CEACAM6: variants seen among roughly 807,000 people sequenced by gnomAD.
CEACAM6 encodes CEA cell adhesion molecule 6, also known as cell adhesion molecule CEACAM6.
Under a neutral mutation model 32.4 loss-of-function variants are expected in CEACAM6, and 21 were observed. That is an observed-to-expected ratio of 0.65 (90% CI 0.46 to 0.93). The LOEUF (loss-of-function observed/expected upper bound fraction) is 0.93. Among genes scored for constraint, CEACAM6 ranks in the 40% least tolerant of loss-of-function variants. The probability of loss-of-function intolerance (pLI) is 0.00; values close to 1 mark genes in which losing one functional copy is unlikely to be tolerated. For missense variants in CEACAM6, 406 were observed against 432.2 expected, an observed-to-expected ratio of 0.94 and a Z score of 0.54; for synonymous variants, 184 against 174.4, an observed-to-expected ratio of 1.06 and a Z score of -0.43.
In CEACAM6 at chr19:41,768,141, G is replaced by A. The variant is rs536359481; in HGVS notation, c.*40+1842G>A. ...GGGTGTTTCTCGCAGAGGGGGATTT[G>A]GCAGGGTCATAGGACAATAGTGGAG... On this transcript the variant is annotated intron_variant, in intron 5 of 5. Transcript: ENST00000199764. 4.4e-3 allele frequency among the ~76,000 whole-genome samples: 664 copies of A among 151,768 alleles called. 7 individuals carry two copies. The highest frequency in any genetic ancestry group is 0.015 in the African/African-American group (633 of 41,332).
chr19:41,769,820 AATT>A (rs1332871565), intron 5 of CEACAM6, among the ~76,000 whole-genome samples: 14 of 147,474 alleles, frequency 9.5e-5, no homozygotes, highest in East Asian at 3.9e-4. Flanking sequence ...ATAAATTAAT[AATT>A]ATTATTTAAC....
At chr19:41,764,669 C>T (rs1162478477) in intron 4 of CEACAM6, among the ~76,000 whole-genome samples, 1 of 152,126 alleles carries the variant, frequency 6.6e-6, no homozygotes, top group Non-Finnish European at 1.5e-5. Flanking sequence ...TTTTGTTGAT[C>T]TGTTTTGAAG....
chr19:41,768,153 G>A (rs988690072), intron 5 of CEACAM6, among the ~76,000 whole-genome samples: 2 of 151,962 alleles, frequency 1.3e-5, no homozygotes, highest in Non-Finnish European at 2.9e-5. Context: ...CAGGGTCATA[G>A]GACAATAGTG....
chr19:41,762,368 C>G, intron 4 of CEACAM6, 145 bp downstream of exon 4: 1 of 880,238 alleles, frequency 1.1e-6, no homozygotes, highest in South Asian at 1.8e-5. Context: ...TCCCAATTCA[C>G]CTCTGCAGAC....
intron 2 of CEACAM6, among the ~76,000 whole-genome samples, chr19:41,759,203 C>A (rs942791302): frequency 1.3e-5 from 2 of 152,212 alleles, no homozygotes; most frequent in African/African-American, 4.8e-5. Flanking sequence ...CTGCCCATTC[C>A]ACATACACTA....
chr19:41,757,106 G>A (rs57827663), intron 2 of CEACAM6, 147 bp downstream of exon 2: 385,539 of 1,359,790 alleles, frequency 0.28, 56,462 homozygotes, highest in Middle Eastern at 0.37. Context: ...ACACACGGGG[G>A]AGACAAACTT....
Position 41,771,640 on chromosome 19 carries a change from C to G in CEACAM6, c.*879C>G, listed in dbSNP as rs1008247951. On this transcript the variant is annotated 3_prime_UTR_variant, in exon 6 of 6. Transcript: ENST00000199764. The stretch of plus-strand genomic sequence containing the variant: ...TAATAGTCATACTAGTAGTCATACT[C>G]CCTGGTGTAGTGTATTCTCTAAAAG... 2 of 152,172 alleles carry G rather than the reference C, an allele frequency of 1.3e-5. No homozygotes were observed. The highest frequency in any genetic ancestry group is 2.9e-5 in the Non-Finnish European group (2 of 68,034). The allele number at this position is 152,172 out of a possible 1,614,324, so 9.4% of individuals were successfully genotyped here.
rs564619615 is a variant in CEACAM6, at chr19:41,769,844, A to G, written c.*41-958A>G. Among the ~76,000 whole-genome samples the G allele has an allele frequency of 4.0e-5, 6 of 148,196 alleles. No individual in the cohort carries two copies. In the East Asian group the frequency reaches 7.8e-4, roughly 19 times the overall value. Reference sequence around the variant, plus strand: ...TAATTATTATTTAACGACTAATTGTAATTGTTAATTAATATTAATATTATA... The same window carrying G: ...TAATTATTATTTAACGACTAATTGTGATTGTTAATTAATATTAATATTATA... On this transcript the variant is annotated intron_variant, in intron 5 of 5. Coordinates refer to ENST00000199764, the MANE Select transcript of CEACAM6 (RefSeq NM_002483.7).
In CEACAM6 at chr19:41,756,828, G is replaced by A. The variant is rs782580230; in HGVS notation, c.293G>A (p.Arg98Gln). The change falls in exon 2 of 6, where the codon CGA becomes CAA. Residue 98 changes from arginine to glutamine, a missense_variant. Coordinates refer to ENST00000199764, the MANE Select transcript of CEACAM6 (RefSeq NM_002483.7). ...QATPGPAYSGRETIYPNASLL... is the reference protein window; with the variant it reads ...QATPGPAYSGQETIYPNASLL... ...ACCCCAGGGCCCGCATACAGTGGTC[G>A]AGAGACAATATACCCCAATGCATCC... 44 of 1,613,980 alleles carry A rather than the reference G, an allele frequency of 2.7e-5. 1 individual carries two copies. In the East Asian group the frequency reaches 3.3e-4, roughly 12 times the overall value.
intron 4 of CEACAM6, among the ~76,000 whole-genome samples, chr19:41,763,059 C>CA (rs1243264271): frequency 6.6e-6 from 1 of 152,050 alleles, no homozygotes; most frequent in Non-Finnish European, 1.5e-5. Context: ...GGGGCAGTGA[C>CA]AAAAAGTGTG....
rs782108425 is a variant in CEACAM6 at position 41,756,804 on chromosome 19, C to A, written c.269C>A (p.Thr90Asn). 138 of 1,613,984 alleles carry A rather than the reference C, an allele frequency of 8.6e-5. No homozygotes were observed. The highest frequency in any genetic ancestry group is 1.2e-4 in the Non-Finnish European group (136 of 1,180,022). ...VGYVIGTQQA[T>N]PGPAYSGRET... is the part of the protein sequence containing the mutation. The stretch of plus-strand genomic sequence containing the variant: ...TATGTAATAGGAACTCAACAAGCTA[C>A]CCCAGGGCCCGCATACAGTGGTCGA... Residue 90 changes from threonine (T) to asparagine (N), a missense_variant, in exon 2 of 6, where the codon ACC (threonine) becomes AAC (asparagine). Thr to Asn is a moderately conservative substitution (Grantham distance 65). Coordinates refer to ENST00000199764, the MANE Select transcript of CEACAM6 (RefSeq NM_002483.7).
chr19:41,756,299 G>C (rs2072884499), intron 1 of CEACAM6, among the ~76,000 whole-genome samples: 2 of 152,116 alleles, frequency 1.3e-5, no homozygotes, highest in Admixed American at 6.5e-5. Flanking sequence ...TCAGGGAAGG[G>C]ATCTCCCAAG....
chr19:41,764,048 C>T (rs2030434661), intron 4 of CEACAM6, among the ~76,000 whole-genome samples: 1 of 152,116 alleles, frequency 6.6e-6, no homozygotes, highest in Admixed American at 6.5e-5. Flanking sequence ...TTGAGTATCC[C>T]TCTATTATGT....
At chr19:41,767,149 C>G (rs1479187218) in intron 5 of CEACAM6, among the ~76,000 whole-genome samples, 2 of 152,114 alleles carry the variant, frequency 1.3e-5, no homozygotes, top group African/African-American at 4.8e-5. Flanking sequence ...GAATCTGACT[C>G]TCTACACATC....
chr19:41,765,802 C>T (rs1555822336), intron 4 of CEACAM6, among the ~76,000 whole-genome samples: 2 of 152,326 alleles, frequency 1.3e-5, no homozygotes, highest in African/African-American at 2.4e-5. Flanking sequence ...ATGCACTAGC[C>T]TGGGCCTTCT....
At chr19:41,766,759 C>G (rs1226931106) in intron 5 of CEACAM6, among the ~76,000 whole-genome samples, 1 of 152,144 alleles carries the variant, frequency 6.6e-6, no homozygotes, top group Non-Finnish European at 1.5e-5. Context: ...GTAATCCCAG[C>G]CCCTTGGGAG....
chr19:41,764,207 G>A (rs1008736099), intron 4 of CEACAM6, among the ~76,000 whole-genome samples: 1 of 152,080 alleles, frequency 6.6e-6, no homozygotes, highest in Non-Finnish European at 1.5e-5. Flanking sequence ...GTTTCATCTA[G>A]GTTATCCAAT....
At chr19:41,763,770 TTC>T (rs1425623209) in intron 4 of CEACAM6, among the ~76,000 whole-genome samples, 5 of 152,288 alleles carry the variant, frequency 3.3e-5, no homozygotes, top group Admixed American at 6.5e-5. Context: ...CACGGCAATC[TTC>T]TCTCTGTTTT....
At chr19:41,762,281 G>A (rs1274667025) in intron 4 of CEACAM6, 58 bp downstream of exon 4, 1 of 1,561,042 alleles carries the variant, frequency 6.4e-7, no homozygotes, top group Non-Finnish European at 8.7e-7. Flanking sequence ...GGCTCTCAGA[G>A]AAGAGCCAGG....
Sources: gnomAD v4.1 joint callset for allele counts (sites outside exome capture counted in the v4.1 genomes callset) on GRCh38, gnomAD v4.1.1 for gene constraint, MANE v1.5 for transcripts, NCBI Gene and HGNC (gene_info 2026-07-23, HGNC 2026-07-21) for gene names.